The following COPG2 variants were observed in gnomAD, a reference collection of about 807,000 sequenced individuals.
COPG2 encodes the protein coatomer subunit gamma-2.
A neutral mutation model predicts 46.3 loss-of-function variants in COPG2; 37 were observed. The ratio of observed to expected loss-of-function variants is 0.80; its 90% confidence interval spans 0.61 to 1.05. The LOEUF is 1.05. Among genes scored for constraint, COPG2 ranks in the 50% least tolerant of loss-of-function variants. The probability of loss-of-function intolerance (pLI) is 0.00; values close to 1 mark genes in which losing one functional copy is unlikely to be tolerated. For missense variants in COPG2, 427 were observed against 387.8 expected (o/e 1.10, Z -0.85); for synonymous variants, 159 against 129.7 (o/e 1.23, Z -1.53).
chr7:130,567,659 A>C (rs1241218780), intron 9 of COPG2, among the ~76,000 whole-genome samples: 1 of 152,208 alleles, frequency 6.6e-6, no homozygotes, highest in African/African-American at 2.4e-5. Flanking sequence ...TCCTATCGAT[A>C]GCCTCCTTAA....
At chr7:130,661,180 T>A (rs1795970115) in intron 4 of COPG2, among the ~76,000 whole-genome samples, 1 of 152,220 alleles carries the variant, frequency 6.6e-6, no homozygotes, top group African/African-American at 2.4e-5. Flanking sequence ...CAATTTCATA[T>A]CTTCTTTTCT....
At chr7:130,513,290 T>TTAA (rs1331715291) in intron 20 of COPG2, among the ~76,000 whole-genome samples, 1 of 20,290 alleles carries the variant, frequency 4.9e-5, no homozygotes, top group Non-Finnish European at 1.2e-4. Flanking sequence ...TAATTCTGTC[T>TTAA]AAAAAAAAAA....
intron 5 of COPG2, among the ~76,000 whole-genome samples, chr7:130,634,127 G>A (rs538767769): frequency 5.3e-5 from 8 of 152,292 alleles, no homozygotes; most frequent in South Asian, 2.1e-4. Flanking sequence ...CTGTATCCTT[G>A]TAGTATAGTT....
At chr7:130,594,270 C>G (rs782509041) in intron 9 of COPG2, among the ~76,000 whole-genome samples, 61 of 152,074 alleles carry the variant, frequency 4.0e-4, no homozygotes, top group African/African-American at 1.4e-3. Flanking sequence ...GAGAACAAAT[C>G]GTTTTTCATG....
intron 3 of COPG2, among the ~76,000 whole-genome samples, chr7:130,665,368 T>A (rs967977634): frequency 1.3e-5 from 2 of 152,186 alleles, no homozygotes; most frequent in Non-Finnish European, 2.9e-5. Context: ...ATGGTATATA[T>A]GTATGTTTTA....
Position 130,579,863 on chromosome 7 carries a change from A to C in COPG2, c.738-15470T>G, listed in dbSNP as rs1440611843. On this transcript the variant is annotated intron_variant, in intron 9 of 23. Coordinates refer to ENST00000425248, the MANE Select transcript of COPG2 (RefSeq NM_012133.6). ...CATAAAGCAAGTCCTGAGTAACCTAAAAAGAGACTTAGACTCCCATACATT... is the reference window on the plus strand; with the variant it reads ...CATAAAGCAAGTCCTGAGTAACCTACAAAGAGACTTAGACTCCCATACATT... Among the ~76,000 whole-genome samples, 4 of 152,298 alleles carry C rather than the reference A, an allele frequency of 2.6e-5. No homozygotes were observed. The East Asian group carries it at 7.7e-4, about 29-fold the overall frequency.
At chr7:130,528,467 G>A (rs974123170) in intron 20 of COPG2, among the ~76,000 whole-genome samples, 1 of 152,030 alleles carries the variant, frequency 6.6e-6, no homozygotes. Context: ...ATGCAGAGAT[G>A]ACTGCATCTG....
intron 9 of COPG2, chr7:130,610,361 T>C (rs1330957978): frequency 5.9e-6 from 2 of 336,354 alleles, no homozygotes; most frequent in Non-Finnish European, 1.2e-5. Flanking sequence ...TCTAGAGATC[T>C]TTCTCTGTGT....
chr7:130,513,543 C>A (rs1362206225), intron 20 of COPG2, among the ~76,000 whole-genome samples: 1 of 151,118 alleles, frequency 6.6e-6, no homozygotes, highest in Admixed American at 6.6e-5. Flanking sequence ...AAAGAGAATA[C>A]AAAGAGTAAG....
intron 20 of COPG2, among the ~76,000 whole-genome samples, chr7:130,536,392 G>A (rs1346393365): frequency 1.3e-5 from 2 of 152,196 alleles, no homozygotes; most frequent in South Asian, 4.1e-4. Context: ...TTTCACCCGA[G>A]GGAGGGCTGG....
intron 5 of COPG2, among the ~76,000 whole-genome samples, chr7:130,631,165 T>C (rs1363028966): frequency 3.1e-5 from 4 of 128,336 alleles, no homozygotes; most frequent in Middle Eastern, 4.5e-3. Flanking sequence ...CCTTTTCTTT[T>C]TCTTTTCTTT....
chr7:130,598,123 T>A (rs1205040545), intron 9 of COPG2, among the ~76,000 whole-genome samples: 1 of 151,906 alleles, frequency 6.6e-6, no homozygotes, highest in Non-Finnish European at 1.5e-5. Context: ...CAAGGGCTGG[T>A]TCATGGTATA....
chr7:130,620,400 T>C (rs1305597563), intron 5 of COPG2, among the ~76,000 whole-genome samples: 1 of 152,160 alleles, frequency 6.6e-6, no homozygotes, highest in East Asian at 1.9e-4. Context: ...TGCTGTAACA[T>C]AAAAACAGCC....
intron 9 of COPG2, among the ~76,000 whole-genome samples, chr7:130,594,031 C>A (rs1469394375): frequency 2.0e-5 from 3 of 151,912 alleles, no homozygotes; most frequent in Admixed American, 1.3e-4. Context: ...GCAACACATA[C>A]AATCAACATC....
At chr7:130,507,968 G>A (rs1202729029) in intron 21 of COPG2, 145 bp from the exon 22 acceptor site, 5 of 619,256 alleles carry the variant, frequency 8.1e-6, no homozygotes, top group Admixed American at 2.9e-5. Context: ...TAAATCTAAT[G>A]TTGTAGCCCT....
chr7:130,522,944 CCT>C (rs1445469803), intron 20 of COPG2, among the ~76,000 whole-genome samples: 2 of 151,076 alleles, frequency 1.3e-5, no homozygotes, highest in East Asian at 3.9e-4. Context: ...ATGGCGAAAC[CCT>C]GTCTCTACTT....
chr7:130,583,874 A>G (rs1471979171), intron 9 of COPG2, among the ~76,000 whole-genome samples: 2 of 150,064 alleles, frequency 1.3e-5, no homozygotes, highest in Admixed American at 1.3e-4. Context: ...ACAGAATTCT[A>G]CCAGACATTC....
intron 5 of COPG2, among the ~76,000 whole-genome samples, chr7:130,633,238 A>C (rs1795263976): frequency 6.6e-6 from 1 of 152,214 alleles, no homozygotes; most frequent in Non-Finnish European, 1.5e-5. Context: ...AGAATGATTT[A>C]TAATCCTTTG....
intron 9 of COPG2, among the ~76,000 whole-genome samples, chr7:130,609,254 A>G (rs1016575944): frequency 6.6e-6 from 1 of 152,190 alleles, no homozygotes; most frequent in African/African-American, 2.4e-5. Context: ...CTCATCTTGA[A>G]TTTCCATGTG....
Sources: gnomAD v4.1 joint callset for allele counts (sites outside exome capture counted in the v4.1 genomes callset) on GRCh38, gnomAD v4.1.1 for gene constraint, MANE v1.5 for transcripts, NCBI Gene and HGNC (gene_info 2026-07-23, HGNC 2026-07-21) for gene names.